The following FHIT variants were observed in gnomAD, a reference collection of about 807,000 sequenced individuals.
The protein encoded by FHIT is fragile histidine triad diadenosine triphosphatase.
FHIT carries 19 observed loss-of-function variants against 17.9 expected under a neutral mutation model. The observed-to-expected ratio is 1.06, with a 90% CI of 0.74 to 1.56. The LOEUF (loss-of-function observed/expected upper bound fraction) is 1.56, where lower values mean the gene tolerates loss of function less well. Ranked by LOEUF, FHIT falls within the 40% of genes most tolerant of loss-of-function variation. The pLI, the probability that FHIT is intolerant of heterozygous loss-of-function variation, is 0.00. For missense variants in FHIT, 248 were observed against 189.2 expected, an observed-to-expected ratio of 1.31 and a Z score of -1.82; for synonymous variants, 81 against 69.7, an observed-to-expected ratio of 1.16 and a Z score of -0.81.
intron 7 of FHIT, among the ~76,000 whole-genome samples, chr3:60,003,053 C>A (rs1699788059): frequency 6.6e-6 from 1 of 152,136 alleles, no homozygotes; most frequent in South Asian, 2.1e-4. Context: ...ATAGTCATTT[C>A]TTAATGGAAA....
intron 5 of FHIT, among the ~76,000 whole-genome samples, chr3:60,280,463 C>T (rs532547653): frequency 6.6e-5 from 10 of 152,190 alleles, no homozygotes; most frequent in African/African-American, 2.4e-4. Context: ...TCTGAGTGGG[C>T]CTTAATGCTA....
chr3:60,707,877 A>G (rs1251198184), intron 4 of FHIT, among the ~76,000 whole-genome samples: 2 of 152,188 alleles, frequency 1.3e-5, no homozygotes, highest in Non-Finnish European at 2.9e-5. Context: ...TCCTGACATT[A>G]GTTTGGGTAT....
chr3:60,750,196 T>A (rs1181798816), intron 4 of FHIT, among the ~76,000 whole-genome samples: 1 of 151,982 alleles, frequency 6.6e-6, no homozygotes, highest in African/African-American at 2.4e-5. Flanking sequence ...TCAAAGGCAA[T>A]GGGGACCGAG....
At chr3:60,157,085 T>C (rs1700734027) in intron 5 of FHIT, among the ~76,000 whole-genome samples, 2 of 152,180 alleles carry the variant, frequency 1.3e-5, no homozygotes, top group African/African-American at 4.8e-5. Context: ...TAATCTGATT[T>C]ATAAATATTT....
intron 5 of FHIT, among the ~76,000 whole-genome samples, chr3:60,197,840 T>C (rs927618693): frequency 2.6e-5 from 4 of 152,182 alleles, no homozygotes; most frequent in Admixed American, 6.5e-5. Flanking sequence ...TCTGGCCTTT[T>C]GAACCTTTAG....
At chr3:59,924,628 T>G (rs966741168) in intron 7 of FHIT, among the ~76,000 whole-genome samples, 3 of 152,330 alleles carry the variant, frequency 2.0e-5, no homozygotes, top group East Asian at 3.9e-4. Context: ...AAAACAAATT[T>G]AAACCTGAAG....
intron 5 of FHIT, among the ~76,000 whole-genome samples, chr3:60,310,242 A>T (rs1708880121): frequency 6.6e-6 from 1 of 152,182 alleles, no homozygotes; most frequent in Non-Finnish European, 1.5e-5. Flanking sequence ...CAGTATGTCC[A>T]AACATCTGTT....
chr3:60,705,108 T>C (rs2041340870), intron 4 of FHIT, among the ~76,000 whole-genome samples: 1 of 151,190 alleles, frequency 6.6e-6, no homozygotes, highest in South Asian at 2.1e-4. Flanking sequence ...CTTGTAAACA[T>C]AGGAGAAACC....
At chr3:61,087,339 A>G (rs146640529) in intron 2 of FHIT, among the ~76,000 whole-genome samples, 13 of 152,284 alleles carry the variant, frequency 8.5e-5, no homozygotes, top group Admixed American at 6.5e-4. Context: ...CCACTTTTGT[A>G]TATTATTATA....
intron 7 of FHIT, among the ~76,000 whole-genome samples, chr3:60,008,023 G>A (rs559777159): frequency 6.6e-5 from 10 of 152,218 alleles, no homozygotes; most frequent in Admixed American, 2.6e-4. Context: ...CGTGTCCTGA[G>A]ACCTATCATA....
chr3:60,024,670 G>A (rs916125254), intron 5 of FHIT, among the ~76,000 whole-genome samples: 14 of 152,140 alleles, frequency 9.2e-5, no homozygotes, highest in African/African-American at 3.1e-4. Flanking sequence ...AAAATATAAG[G>A]GGTGAGATGA....
intron 2 of FHIT, among the ~76,000 whole-genome samples, chr3:61,044,473 C>T (rs892621583): frequency 5.3e-5 from 8 of 152,088 alleles, no homozygotes; most frequent in Admixed American, 2.6e-4. Context: ...CCAAGTAATA[C>T]GGGACTATGT....
chr3:60,769,473 T>C (rs1440898678), intron 4 of FHIT, among the ~76,000 whole-genome samples: 1 of 152,192 alleles, frequency 6.6e-6, no homozygotes, highest in South Asian at 2.1e-4. Context: ...ACAATAGATA[T>C]GATAAAAGAA....
At chr3:59,982,662 C>G (rs529511527) in intron 7 of FHIT, among the ~76,000 whole-genome samples, 65 of 152,260 alleles carry the variant, frequency 4.3e-4, no homozygotes, top group Middle Eastern at 6.8e-3. Flanking sequence ...GGATGAAGTT[C>G]TGAGCTAGGT....
At chr3:60,857,987 T>C (rs1703456898) in intron 3 of FHIT, among the ~76,000 whole-genome samples, 1 of 152,186 alleles carries the variant, frequency 6.6e-6, no homozygotes, top group Non-Finnish European at 1.5e-5. Context: ...TGTTAGGTAG[T>C]ATTACTATGG....
intron 5 of FHIT, chr3:60,535,789 T>A (rs1032263440): frequency 6.8e-6 from 1 of 147,842 alleles, no homozygotes; most frequent in Non-Finnish European, 1.5e-5. Flanking sequence ...TATCTTTTGG[T>A]ACATGTTTTT....
chr3:60,976,096 C>CTTTTTTTTGTTTTTTTTTTTTTTTTT (rs1710227801), intron 3 of FHIT, among the ~76,000 whole-genome samples: 1 of 66,754 alleles, frequency 1.5e-5, no homozygotes. Flanking sequence ...TTTTCTTTTT[C>CTTTTTTTTGTTTTTTTTTTTTTTTTT]TTTTTTTTTT....
intron 4 of FHIT, among the ~76,000 whole-genome samples, chr3:60,811,347 C>G (rs528197301): frequency 6.6e-6 from 1 of 152,158 alleles, no homozygotes; most frequent in African/African-American, 2.4e-5. Flanking sequence ...TATAAAATCT[C>G]GAAATAAGAA....
chr3:61,100,996 C>G (rs1424813175), intron 2 of FHIT, among the ~76,000 whole-genome samples: 1 of 152,164 alleles, frequency 6.6e-6, no homozygotes, highest in African/African-American at 2.4e-5. Flanking sequence ...AAAATTTCCC[C>G]CATTCTACAG....
Sources: gnomAD v4.1 joint callset for allele counts (sites outside exome capture counted in the v4.1 genomes callset) on GRCh38, gnomAD v4.1.1 for gene constraint, MANE v1.5 for transcripts, NCBI Gene and HGNC (gene_info 2026-07-23, HGNC 2026-07-21) for gene names.